Variants in ERBIN observed in about 807,000 individuals in gnomAD.
ERBIN encodes erbb2 interacting protein, also known as densin-180-like protein.
A neutral mutation model predicts 158.4 loss-of-function variants in ERBIN; 60 were observed. The ratio of observed to expected loss-of-function variants is 0.38; its 90% CI spans 0.31 to 0.47. The LOEUF is 0.47. ERBIN is among the 20% of genes least tolerant of loss of function. The pLI, the probability that ERBIN is intolerant of heterozygous loss-of-function variation, is 0.99. For missense variants in ERBIN, 1,610 were observed against 1,648.0 expected, an observed-to-expected ratio of 0.98 and a Z score of 0.40; for synonymous variants, 594 against 557.2, an observed-to-expected ratio of 1.07 and a Z score of -0.93.
At chr5:66,000,831 C>A (rs537706300) in intron 4 of ERBIN, among the ~76,000 whole-genome samples, 1 of 152,216 alleles carries the variant, frequency 6.6e-6, no homozygotes, top group South Asian at 2.1e-4. Context: ...AGACAAGAGA[C>A]TATGATAGTG....
chr5:66,004,272 T>A (rs1240912614), intron 4 of ERBIN, among the ~76,000 whole-genome samples: 1 of 152,034 alleles, frequency 6.6e-6, no homozygotes, highest in East Asian at 1.9e-4. Context: ...TAAAGAAGTA[T>A]ACGTCAAAGA....
At chr5:66,025,238 A>G in intron 10 of ERBIN, 1 of 453,428 alleles carries the variant, frequency 2.2e-6, no homozygotes, top group Non-Finnish European at 3.9e-6. Flanking sequence ...TCCTACTATC[A>G]GTATATTTTA....
intron 1 of ERBIN, among the ~76,000 whole-genome samples, chr5:65,940,662 C>A (rs1413101226): frequency 6.9e-5 from 10 of 144,172 alleles, no homozygotes; most frequent in Admixed American, 1.3e-4. Context: ...CAGCCCCCCG[C>A]CCGGCCAGCC....
At chr5:65,939,537 CT>C (rs1376282350) in intron 1 of ERBIN, among the ~76,000 whole-genome samples, 4 of 152,088 alleles carry the variant, frequency 2.6e-5, no homozygotes, top group South Asian at 4.1e-4. Flanking sequence ...CCTCTCCCCC[CT>C]CTCCCTCTCC....
chr5:66,023,715 G>T (rs1456888476), intron 9 of ERBIN, among the ~76,000 whole-genome samples: 3 of 134,270 alleles, frequency 2.2e-5, no homozygotes, highest in East Asian at 2.1e-4. Flanking sequence ...TCGCTCTGTT[G>T]CCCAGGCTGG....
chr5:66,005,953 G>T (rs1753544178), intron 4 of ERBIN, among the ~76,000 whole-genome samples: 1 of 152,100 alleles, frequency 6.6e-6, no homozygotes, highest in South Asian at 2.1e-4. Context: ...TCAATATCGT[G>T]AAAATGGCCA....
At chr5:66,018,049 A>G (rs1399537891) in intron 7 of ERBIN, among the ~76,000 whole-genome samples, 2 of 151,806 alleles carry the variant, frequency 1.3e-5, no homozygotes, top group Admixed American at 6.6e-5. Flanking sequence ...CTGTGTGCCT[A>G]TATACCATGC....
At chr5:66,030,777 C>T (rs1008163336) in intron 14 of ERBIN, among the ~76,000 whole-genome samples, 1 of 151,382 alleles carries the variant, frequency 6.6e-6, no homozygotes, top group African/African-American at 2.4e-5. Context: ...CATGATATTG[C>T]CCAGGCTGGT....
chr5:65,992,365 G>GTC (rs1751966489), intron 2 of ERBIN, among the ~76,000 whole-genome samples: 1 of 152,032 alleles, frequency 6.6e-6, no homozygotes, highest in Admixed American at 6.6e-5. Flanking sequence ...AGCCGGGATG[G>GTC]TCTCATCTCC....
chr5:66,034,485 C>T (rs1377452424), intron 14 of ERBIN, among the ~76,000 whole-genome samples: 5 of 151,932 alleles, frequency 3.3e-5, no homozygotes, highest in Non-Finnish European at 2.9e-5. Flanking sequence ...CGGAGTTTCA[C>T]CATGTTGGCC....
chr5:65,989,159 A>C (rs565425477), intron 2 of ERBIN, among the ~76,000 whole-genome samples: 2 of 152,122 alleles, frequency 1.3e-5, no homozygotes, highest in Non-Finnish European at 2.9e-5. Context: ...TGATCAATTC[A>C]GTTCTGATCA....
At position 65,992,620 on chromosome 5, in the gene ERBIN, A is replaced by G. The variant is rs1472648625; in HGVS notation, c.-9-90A>G. ...GTGGCAGGAGAAGTGTTTATCTGTG[A>G]CATATGAATTGTGATAGATTGGAAT... On this transcript the variant is annotated intron_variant, in intron 2 of 25. Transcript: ENST00000284037. 6 of 944,846 alleles carry G rather than the reference A, an allele frequency of 6.4e-6. No individual in the cohort carries two copies. In the African/African-American group the frequency reaches 1.0e-4, roughly 16 times the overall value. The allele number at this position is 944,846 out of a possible 1,614,324, so 58.5% of individuals were successfully genotyped here. A position where few individuals can be genotyped will look rare whatever the true frequency, so the allele number is the denominator to read the frequency against.
In ERBIN at chr5:65,972,890, C is replaced by T. The variant is rs144914986; in HGVS notation, c.-57-15745C>T. 2.0e-3 allele frequency among the ~76,000 whole-genome samples: 296 copies of T among 151,322 alleles called. 6 individuals are homozygous for T. The highest frequency in any genetic ancestry group is 3.5e-3 in the Non-Finnish European group (239 of 68,004). On this transcript the variant is annotated intron_variant, in intron 1 of 25. Transcript: ENST00000284037. Reference sequence around the variant, plus strand: ...CTAATCATTCCCAGCCTAAATTAACCCCAAGGAAAATGAGAACTTCAACCT... The same window carrying T: ...CTAATCATTCCCAGCCTAAATTAACTCCAAGGAAAATGAGAACTTCAACCT...
At chr5:66,047,332 AC>A (rs1758545309) in intron 18 of ERBIN, among the ~76,000 whole-genome samples, 1 of 152,116 alleles carries the variant, frequency 6.6e-6, no homozygotes, top group South Asian at 2.1e-4. Flanking sequence ...ACCGAATAAT[AC>A]TACATTGTGT....
intron 9 of ERBIN, 43 bp downstream of exon 9, chr5:66,023,407 C>CT (rs775677081): frequency 7.5e-7 from 1 of 1,331,682 alleles, no homozygotes; most frequent in South Asian, 1.3e-5. Context: ...ATTTCTGGCT[C>CT]TCCTTTGCAG....
intron 1 of ERBIN, among the ~76,000 whole-genome samples, chr5:65,954,834 G>A (rs965134179): frequency 6.6e-6 from 1 of 152,022 alleles, no homozygotes; most frequent in African/African-American, 2.4e-5. Flanking sequence ...GGGAGGCCGA[G>A]GTGGGGGATC....
Position 66,035,326 on chromosome 5 carries a change from C to T in ERBIN, c.1207-3057C>T, listed in dbSNP as rs535476110. 3.9e-5 allele frequency among the ~76,000 whole-genome samples: 6 copies of T among 152,236 alleles called. No homozygotes were observed. The South Asian group carries it at 1.2e-3, about 32-fold the overall frequency. On this transcript the variant is annotated intron_variant, in intron 14 of 25. Transcript: ENST00000284037. ...TCAGCAAGCCCAAAATTGAGTATAC[C>T]ACGTTCTGCCCCAAATATATTTCCC...
intron 9 of ERBIN, among the ~76,000 whole-genome samples, chr5:66,024,028 A>T (rs1028062524): frequency 2.6e-5 from 4 of 152,168 alleles, no homozygotes; most frequent in Admixed American, 2.6e-4. Flanking sequence ...AAAAAAAACC[A>T]CAAGAATCCC....
At chr5:65,994,950 A>G (rs1177279220) in intron 4 of ERBIN, 86 bp downstream of exon 4, 1 of 790,910 alleles carries the variant, frequency 1.3e-6, no homozygotes, top group Non-Finnish European at 2.0e-6. Context: ...AAATAAAAAT[A>G]TAAAAATAAG....
Sources: allele counts gnomAD v4.1 joint callset (sites outside exome capture counted in the v4.1 genomes callset), GRCh38; gene constraint gnomAD v4.1.1; transcripts MANE v1.5; gene names NCBI Gene and HGNC (gene_info 2026-07-23, HGNC 2026-07-21).